AKAP9: variants seen among roughly 807,000 people sequenced by gnomAD.
AKAP9 encodes A-kinase anchoring protein 9.
A neutral mutation model predicts 488.5 loss-of-function variants in AKAP9; 311 were observed. The ratio of observed to expected loss-of-function variants is 0.64; its 90% CI spans 0.58 to 0.70. The LOEUF (loss-of-function observed/expected upper bound fraction) is 0.70. Ranked by LOEUF, AKAP9 falls within the 30% of genes least tolerant of loss-of-function variation. The pLI is 0.00. For missense variants in AKAP9, 4,215 were observed against 4,374.5 expected (o/e 0.96, Z 1.03); for synonymous variants, 1,462 against 1,483.5 (o/e 0.99, Z 0.33).
rs760173622 is a variant in AKAP9, at chr7:92,003,163, A to G, written c.3246A>G (p.Ser1082=). 1.6e-4 allele frequency: 255 copies of G among 1,611,356 alleles called. 1 individual carries two copies. In the Admixed American group the frequency reaches 4.3e-3, roughly 27 times the overall value. Residue 1082 remains serine, a synonymous_variant, in exon 8 of 50, where the codon TCA becomes TCG. Coordinates refer to ENST00000356239, the MANE Select transcript of AKAP9 (RefSeq NM_005751.5). ...LDHLPSVTKE[S]SLRATQPSEN... Reference sequence around the variant, plus strand: ...ACTTACCATCTGTAACAAAGGAATCATCACTTAGAGCAACTCAACCAAGTG... The same window carrying G: ...ACTTACCATCTGTAACAAAGGAATCGTCACTTAGAGCAACTCAACCAAGTG...
In AKAP9 at chr7:92,070,980, C is replaced by A; in HGVS notation, c.6583C>A (p.Arg2195=). ...CCTAGAAGTACAATTGCAGGCTGAA[C>A]GAGATGCCATAGACAGAAAGGAAAA... The part of the protein sequence containing the change: ...LSLEVQLQAE[R]DAIDRKEKEI... The change falls in exon 28 of 50, where the codon CGA becomes AGA. Residue 2195 remains arginine (R), a synonymous_variant. Transcript: ENST00000356239. The A allele has an allele frequency of 6.2e-7, 1 of 1,613,588 alleles. No individual in the cohort carries two copies. The highest frequency in any genetic ancestry group is 8.5e-7 in the Non-Finnish European group (1 of 1,179,734).
At chr7:91,948,638 T>G (rs969008447) in intron 1 of AKAP9, among the ~76,000 whole-genome samples, 9 of 148,480 alleles carry the variant, frequency 6.1e-5, no homozygotes, top group Admixed American at 4.1e-4. Flanking sequence ...TGAGATGGAG[T>G]TTTGCTCTTG....
intron 12 of AKAP9, among the ~76,000 whole-genome samples, chr7:92,019,615 T>C (rs1038533960): frequency 2.4e-4 from 37 of 151,078 alleles, no homozygotes; most frequent in Non-Finnish European, 2.4e-4. Context: ...GTTTAAGGAA[T>C]GTCATATACA....
chr7:92,101,118 C>G lies in AKAP9; in HGVS notation c.11097+62C>G, dbSNP rs1440112986. The G allele has an allele frequency of 9.3e-6, 14 of 1,509,402 alleles. No homozygotes were observed. In the Middle Eastern group the frequency reaches 7.2e-4, roughly 77 times the overall value. 93.5% of individuals were successfully genotyped at this position (1,509,402 alleles called of 1,614,324 possible). Reference sequence around the variant, plus strand: ...TCTATGTTTTTGCCTTCTTTCATCTCTCACTGACCTTAAATAAACAGTCTA... The same window carrying G: ...TCTATGTTTTTGCCTTCTTTCATCTGTCACTGACCTTAAATAAACAGTCTA... On this transcript the variant is annotated intron_variant, in intron 45 of 49. Transcript: ENST00000356239.
chr7:91,973,594 C>T (rs1428384409), intron 1 of AKAP9, 117 bp from the exon 2 acceptor site: 1 of 1,112,048 alleles, frequency 9.0e-7, no homozygotes, highest in Non-Finnish European at 1.3e-6. Flanking sequence ...TTTATTTTTT[C>T]ATTTTTATTT....
chr7:91,994,912 G>T, intron 6 of AKAP9, 136 bp downstream of exon 6: 1 of 726,052 alleles, frequency 1.4e-6, no homozygotes, highest in Non-Finnish European at 2.3e-6. Context: ...GTGAATATGT[G>T]TTGCTATATT....
rs769113364 is a variant in AKAP9 at position 92,097,031 on chromosome 7, C to T, written c.10072C>T (p.Arg3358Cys). The T allele has an allele frequency of 1.1e-5, 17 of 1,614,022 alleles. No individual in the cohort carries two copies. Among genetic ancestry groups the T allele is most frequent in the African/African-American group, 1.3e-5 (1 of 74,908 alleles). ...LQKQLEEKHS[R>C]IVELLNETEK... ...GAAACAGCTAGAGGAAAAACACAGT[C>T]GCATAGTAGAATTGTTAAATGAGAC... is the stretch of plus-strand genomic sequence containing the variant. Residue 3358 changes from arginine (R) to cysteine (C), a missense_variant, in exon 41 of 50, where the codon CGC becomes TGC. Arg to Cys is a radical substitution (Grantham distance 180). Around this residue, in one of 5 missense-constraint regions of AKAP9, gnomAD observed 1,476 missense variants for 1,477.4 expected, o/e 1.00. Transcript: ENST00000356239.
At chr7:92,018,274 A>G (rs992824364) in intron 12 of AKAP9, among the ~76,000 whole-genome samples, 2 of 152,032 alleles carry the variant, frequency 1.3e-5, no homozygotes, top group Non-Finnish European at 2.9e-5. Context: ...CGTCCCAGCT[A>G]CTTGAGAAGC....
At position 92,001,606 on chromosome 7, in the gene AKAP9, G is replaced by GT; in HGVS notation, c.1690dup (p.Ser564PhefsTer3). 1 of 1,613,826 alleles carries GT rather than the reference G, an allele frequency of 6.2e-7. No homozygotes were observed. Among genetic ancestry groups the GT allele is most frequent in the Non-Finnish European group, 8.5e-7 (1 of 1,179,804 alleles). The stretch of plus-strand genomic sequence containing the variant: ...AAAGTAAACTTAATGAAGCACATAA[G>GT]TCCCTTAGTACAGTGGAAGATTTGA... On this transcript the variant is annotated frameshift_variant, in exon 8 of 50. Transcript: ENST00000356239. LOFTEE classifies it high-confidence loss of function.
rs111948479 is a variant in AKAP9 at position 92,097,582 on chromosome 7, C to T, written c.10399-4C>T. Reference sequence around the variant, plus strand: ...TGTTTTCTTATTCTGTCCAAAATTGCCAGCCAACCACGTGGAGCTTAACCA... The same window carrying T: ...TGTTTTCTTATTCTGTCCAAAATTGTCAGCCAACCACGTGGAGCTTAACCA... On this transcript the variant is annotated splice_polypyrimidine_tract_variant and splice_region_variant and intron_variant, in intron 41 of 49. Coordinates refer to ENST00000356239, the MANE Select transcript of AKAP9 (RefSeq NM_005751.5). 2.1e-5 allele frequency: 34 copies of T among 1,612,844 alleles called. 1 individual carries two copies. The highest frequency in any genetic ancestry group is 2.0e-4 in the African/African-American group (15 of 74,990).
intron 22 of AKAP9, among the ~76,000 whole-genome samples, chr7:92,060,274 T>C (rs1809546707): frequency 6.6e-6 from 1 of 152,122 alleles, no homozygotes; most frequent in African/African-American, 2.4e-5. Flanking sequence ...CACTAATATC[T>C]TTTTAATGCA....
chr7:92,065,365 A>G lies in AKAP9; in HGVS notation c.6112A>G (p.Ile2038Val), dbSNP rs1330028216. 6.2e-7 allele frequency: 1 copy of G among 1,613,240 alleles called. No homozygotes were observed. The highest frequency in any genetic ancestry group is 8.5e-7 in the Non-Finnish European group (1 of 1,179,508). Residue 2038 changes from isoleucine (I) to valine (V), a missense_variant, in exon 25 of 50, where the codon ATA becomes GTA. Coordinates refer to ENST00000356239, the MANE Select transcript of AKAP9 (RefSeq NM_005751.5). ...IDVEEQVSRFIELEQEKNTEL... is the reference protein window; with the variant it reads ...IDVEEQVSRFVELEQEKNTEL... The stretch of plus-strand genomic sequence containing the variant: ...TGTGGAAGAACAAGTCAGTAGGTTT[A>G]TAGAGCTGGAACAAGAAAAAAATAC...
chr7:92,020,463 A>T (rs1274621803), intron 12 of AKAP9, among the ~76,000 whole-genome samples: 1 of 152,068 alleles, frequency 6.6e-6, no homozygotes, highest in Non-Finnish European at 1.5e-5. Flanking sequence ...CTGTTCCCTT[A>T]GCAACAGTAC....
intron 15 of AKAP9, among the ~76,000 whole-genome samples, chr7:92,030,485 AC>A (rs746285817): frequency 6.6e-6 from 1 of 152,156 alleles, no homozygotes; most frequent in Non-Finnish European, 1.5e-5. Flanking sequence ...TACTAAAAAT[AC>A]AAAAAATTAG....
chr7:92,082,982 T>C lies in AKAP9; in HGVS notation c.8161-188T>C, dbSNP rs1428311444. On this transcript the variant is annotated intron_variant, in intron 32 of 49. Coordinates refer to ENST00000356239, the MANE Select transcript of AKAP9 (RefSeq NM_005751.5). ...TAAAATTATTTCATTTCTATAGTAA[T>C]CTATGACCATACGTACATACAAATA... Among the ~76,000 whole-genome samples the C allele has an allele frequency of 2.6e-5, 4 of 152,168 alleles. No homozygotes were observed. The East Asian group carries it at 7.7e-4, about 29-fold the overall frequency.
Position 92,079,684 on chromosome 7 carries a change from G to T in AKAP9, c.7551G>T (p.Gln2517His). Residue 2517 changes from glutamine to histidine, a missense_variant, in exon 31 of 50, where the codon CAG becomes CAT. Gln to His is a conservative substitution (Grantham distance 24). Transcript: ENST00000356239. ...TVSAKDLELTQCYKQIKDMQE... is the reference protein window; with the variant it reads ...TVSAKDLELTHCYKQIKDMQE... ...GTGCAAAGGACTTAGAACTTACCCA[G>T]TGTTATAAACAAATAAAAGACATGC... 2 of 1,614,068 alleles carry T rather than the reference G, an allele frequency of 1.2e-6. No individual in the cohort carries two copies. The highest frequency in any genetic ancestry group is 1.1e-5 in the South Asian group (1 of 91,082).
intron 28 of AKAP9, among the ~76,000 whole-genome samples, chr7:92,071,474 A>T (rs760932375): frequency 3.0e-4 from 45 of 152,164 alleles, no homozygotes; most frequent in Non-Finnish European, 4.7e-4. Context: ...AAAAAGATTA[A>T]TAGTAAATTG....
intron 21 of AKAP9, among the ~76,000 whole-genome samples, chr7:92,047,248 G>A (rs912072812): frequency 2.7e-5 from 4 of 150,166 alleles, no homozygotes; most frequent in Non-Finnish European, 4.4e-5. Context: ...TTTGAGTCTC[G>A]CTCTGTCACC....
intron 8 of AKAP9, among the ~76,000 whole-genome samples, chr7:92,010,497 C>T (rs974850750): frequency 1.3e-5 from 2 of 152,208 alleles, no homozygotes; most frequent in African/African-American, 2.4e-5. Flanking sequence ...GCCCCCTAGC[C>T]ACTCTTTCAC....
Sources: gnomAD v4.1 joint callset for allele counts (sites outside exome capture counted in the v4.1 genomes callset) on GRCh38, gnomAD v4.1.1 for gene constraint, gnomAD v4.1.1 regional missense constraint, MANE v1.5 for transcripts, NCBI Gene and HGNC (gene_info 2026-07-23, HGNC 2026-07-21) for gene names.